The following KCNN2 variants were observed in gnomAD, a reference collection of about 807,000 sequenced individuals.
KCNN2 encodes the protein potassium calcium-activated channel subfamily N member 2, also known as small conductance calcium-activated potassium channel protein 2.
A neutral mutation model predicts 55.5 loss-of-function variants in KCNN2; 24 were observed. That is an observed-to-expected ratio of 0.43 (90% CI 0.31 to 0.61). The LOEUF (loss-of-function observed/expected upper bound fraction) is 0.61. Ranked by LOEUF, KCNN2 falls within the 20% of genes least tolerant of loss-of-function variation. The pLI is 0.08. For synonymous variants in KCNN2, 431 were observed against 336.1 expected, an observed-to-expected ratio of 1.28 and a Z score of -3.09; for missense variants, 754 against 853.6, an observed-to-expected ratio of 0.88 and a Z score of 1.45.
intron 1 of KCNN2, among the ~76,000 whole-genome samples, chr5:114,078,830 TA>T (rs1750737339): frequency 6.6e-6 from 1 of 152,224 alleles, no homozygotes; most frequent in African/African-American, 2.4e-5. Context: ...ATCAGGAATC[TA>T]AACTTGATAC....
chr5:114,347,957 T>C (rs1757141130), intron 2 of KCNN2, among the ~76,000 whole-genome samples: 1 of 152,094 alleles, frequency 6.6e-6, no homozygotes, highest in African/African-American at 2.4e-5. Context: ...AGTCTGATCC[T>C]AGTATTACAG....
intron 2 of KCNN2, among the ~76,000 whole-genome samples, chr5:114,227,873 A>T (rs919410722): frequency 6.6e-6 from 1 of 151,882 alleles, no homozygotes; most frequent in Non-Finnish European, 1.5e-5. Context: ...ATATGAGTGT[A>T]TATATATATA....
chr5:114,304,546 C>T (rs992523830), intron 2 of KCNN2, among the ~76,000 whole-genome samples: 3 of 152,154 alleles, frequency 2.0e-5, no homozygotes, highest in Non-Finnish European at 4.4e-5. Flanking sequence ...GGCAGACTAG[C>T]GTGCTGGAAG....
chr5:114,389,156 C>G (rs975138460), intron 2 of KCNN2, among the ~76,000 whole-genome samples: 1 of 151,760 alleles, frequency 6.6e-6, no homozygotes, highest in Non-Finnish European at 1.5e-5. Flanking sequence ...GCTGCTGTAC[C>G]TGATTTACTT....
chr5:114,386,596 A>G (rs969486218), intron 2 of KCNN2, among the ~76,000 whole-genome samples: 1 of 152,184 alleles, frequency 6.6e-6, no homozygotes, highest in Non-Finnish European at 1.5e-5. Context: ...TAGTATCCTT[A>G]GGTTTGAATT....
At chr5:114,198,315 G>A (rs1014591139) in intron 1 of KCNN2, among the ~76,000 whole-genome samples, 17 of 108,938 alleles carry the variant, frequency 1.6e-4, no homozygotes, top group Admixed American at 5.5e-4. Context: ...AATTACTTTT[G>A]CACCAACCTC....
chr5:114,066,494 G>A (rs1750453829), intron 1 of KCNN2, among the ~76,000 whole-genome samples: 1 of 152,222 alleles, frequency 6.6e-6, no homozygotes, highest in African/African-American at 2.4e-5. Flanking sequence ...ATGAATGCCG[G>A]GATGGCAGTA....
intron 1 of KCNN2, among the ~76,000 whole-genome samples, chr5:114,211,525 A>G (rs891206401): frequency 2.6e-5 from 4 of 152,136 alleles, no homozygotes; most frequent in African/African-American, 9.7e-5. Flanking sequence ...ATTCATGGAC[A>G]CAAAGAGGGG....
At chr5:114,289,436 G>A (rs1308022187) in intron 2 of KCNN2, among the ~76,000 whole-genome samples, 1 of 151,292 alleles carries the variant, frequency 6.6e-6, no homozygotes, top group Non-Finnish European at 1.5e-5. Flanking sequence ...GTACAGTGGG[G>A]CAATCTCTCT....
chr5:114,259,585 G>A (rs772702075), intron 2 of KCNN2, among the ~76,000 whole-genome samples: 13 of 152,122 alleles, frequency 8.5e-5, no homozygotes, highest in East Asian at 1.9e-4. Context: ...TAACCTGCAC[G>A]TTGTGCACAT....
intron 2 of KCNN2, among the ~76,000 whole-genome samples, chr5:114,262,454 GA>G (rs1411870009): frequency 6.6e-6 from 1 of 152,162 alleles, no homozygotes; most frequent in Non-Finnish European, 1.5e-5. Context: ...CCTTTTTCAA[GA>G]GAGTCAATTA....
chr5:114,449,908 A>ACGCGCGCGCG (rs34988174), intron 3 of KCNN2, among the ~76,000 whole-genome samples: 4 of 66,176 alleles, frequency 6.0e-5, no homozygotes, highest in Admixed American at 4.3e-4. Flanking sequence ...ACACACACAC[A>ACGCGCGCGCG]CGCGCGCGCT....
chr5:114,275,842 G>C (rs1055621446), intron 2 of KCNN2, among the ~76,000 whole-genome samples: 1 of 151,940 alleles, frequency 6.6e-6, no homozygotes, highest in Non-Finnish European at 1.5e-5. Context: ...GTTCTGCTCT[G>C]ATCTCATTCT....
intron 2 of KCNN2, among the ~76,000 whole-genome samples, chr5:114,279,563 T>C (rs938873112): frequency 6.6e-5 from 10 of 152,182 alleles, no homozygotes; most frequent in Non-Finnish European, 1.5e-4. Context: ...TGGTTTTCTG[T>C]CCTTGCGATA....
intron 1 of KCNN2, among the ~76,000 whole-genome samples, chr5:114,155,338 G>T (rs1209176147): frequency 6.6e-6 from 1 of 152,146 alleles, no homozygotes; most frequent in African/African-American, 2.4e-5. Flanking sequence ...GAACAGTGCT[G>T]CAGTGAACAT....
intron 1 of KCNN2, among the ~76,000 whole-genome samples, chr5:114,125,916 G>A (rs1751921884): frequency 6.6e-6 from 1 of 152,100 alleles, no homozygotes; most frequent in Admixed American, 6.6e-5. Context: ...TCTCCAAACA[G>A]TCACAAAGGT....
chr5:114,452,320 T>G (rs1760728919), intron 3 of KCNN2, among the ~76,000 whole-genome samples: 1 of 152,226 alleles, frequency 6.6e-6, no homozygotes, highest in Non-Finnish European at 1.5e-5. Flanking sequence ...TGATGGAACA[T>G]TATTAGACAC....
intron 2 of KCNN2, among the ~76,000 whole-genome samples, chr5:114,256,671 TC>T (rs1754989369): frequency 6.6e-6 from 1 of 152,180 alleles, no homozygotes; most frequent in Non-Finnish European, 1.5e-5. Flanking sequence ...TTGTATGTCT[TC>T]CTTGAAAAGT....
In KCNN2 at chr5:114,305,589, C is replaced by T. The variant is rs78322419; in HGVS notation, c.-184-55356C>T. Among the ~76,000 whole-genome samples, 1,065 of 152,240 alleles carry T rather than the reference C, an allele frequency of 7.0e-3. 12 individuals carry two copies. Among genetic ancestry groups the T allele is most frequent in the African/African-American group, 0.024 (1,000 of 41,534 alleles). ...CCTCAGCCAGATGGTCTCTGGGCCA[C>T]GGCTAGGGCTGAGGCTGCAAGTTCC... On this transcript the variant is annotated intron_variant, in intron 2 of 10. Coordinates refer to the KCNN2 transcript ENST00000512097.
Sources: allele counts gnomAD v4.1 joint callset (sites outside exome capture counted in the v4.1 genomes callset), GRCh38; gene constraint gnomAD v4.1.1; transcripts MANE v1.5; gene names NCBI Gene and HGNC (gene_info 2026-07-23, HGNC 2026-07-21).